KAZN: variants seen among roughly 807,000 people sequenced by gnomAD.
The protein encoded by KAZN is kazrin, periplakin interacting protein.
Under a neutral mutation model 87.4 loss-of-function variants are expected in KAZN, and 40 were observed. The observed-to-expected ratio is 0.46, with a 90% CI of 0.36 to 0.60. The LOEUF is 0.60. Ranked by LOEUF, KAZN falls within the 20% of genes least tolerant of loss-of-function variation. The pLI is 0.00. For synonymous variants in KAZN, 466 were observed against 458.3 expected (o/e 1.02, Z -0.22); for missense variants, 898 against 1,073.9 (o/e 0.84, Z 2.29).
chr1:14,171,487 TAATG>T (rs1196959559), intron 1 of KAZN, among the ~76,000 whole-genome samples: 3 of 148,894 alleles, frequency 2.0e-5, no homozygotes, highest in African/African-American at 7.4e-5. Flanking sequence ...TTTATTATAA[TAATG>T]GGGGGAAAAT....
Position 15,068,892 on chromosome 1 carries a change from C to T in KAZN, c.1222+3139C>T, listed in dbSNP as rs139762210. Among the ~76,000 whole-genome samples the T allele has an allele frequency of 3.9e-3, 595 of 152,150 alleles. 8 individuals are homozygous for T. Among genetic ancestry groups the T allele is most frequent in the African/African-American group, 0.013 (533 of 41,512 alleles). ...AGCATAAAGCTATGTAATACAGACA[C>T]GATGCCGAGGTGAAAATGAGCCCCC... is the stretch of plus-strand genomic sequence containing the variant. On this transcript the variant is annotated intron_variant, in intron 8 of 14. Coordinates refer to ENST00000376030, the MANE Select transcript of KAZN (RefSeq NM_201628.3).
At chr1:15,029,165 A>G (rs1435482018) in intron 2 of KAZN, among the ~76,000 whole-genome samples, 3 of 152,180 alleles carry the variant, frequency 2.0e-5, no homozygotes, top group Non-Finnish European at 4.4e-5. Flanking sequence ...AGGTGGACAC[A>G]TTCCCCACCA....
At chr1:14,683,688 C>G (rs950164260) in intron 1 of KAZN, among the ~76,000 whole-genome samples, 2 of 152,216 alleles carry the variant, frequency 1.3e-5, no homozygotes, top group East Asian at 3.9e-4. Flanking sequence ...CCCAGCCCCC[C>G]TATCTGGTAC....
chr1:13,961,824 C>A (rs1240052719), intron 1 of KAZN, among the ~76,000 whole-genome samples: 1 of 152,160 alleles, frequency 6.6e-6, no homozygotes, highest in African/African-American at 2.4e-5. Flanking sequence ...CTGTCCCCAG[C>A]ACACTTGGAA....
intron 2 of KAZN, among the ~76,000 whole-genome samples, chr1:14,237,038 T>G (rs1648491375): frequency 6.6e-6 from 1 of 152,230 alleles, no homozygotes; most frequent in Non-Finnish European, 1.5e-5. Context: ...TATGCCTGCA[T>G]TCTATATACC....
chr1:14,674,994 C>T (rs1412075092), intron 1 of KAZN, among the ~76,000 whole-genome samples: 1 of 152,024 alleles, frequency 6.6e-6, no homozygotes, highest in Non-Finnish European at 1.5e-5. Context: ...TACTGTGTTG[C>T]CCAGGTTGGT....
At chr1:14,212,682 AG>A (rs1646878156) in intron 2 of KAZN, among the ~76,000 whole-genome samples, 1 of 152,074 alleles carries the variant, frequency 6.6e-6, no homozygotes. Flanking sequence ...TCCAGTTGAC[AG>A]CCACCAGCAC....
At chr1:14,693,910 C>A (rs1427481844) in intron 1 of KAZN, among the ~76,000 whole-genome samples, 1 of 152,172 alleles carries the variant, frequency 6.6e-6, no homozygotes, top group Non-Finnish European at 1.5e-5. Flanking sequence ...GAGCCTGCCC[C>A]ACACTGCGAC....
At chr1:14,962,626 C>T (rs545367212) in intron 2 of KAZN, among the ~76,000 whole-genome samples, 3 of 152,312 alleles carry the variant, frequency 2.0e-5, no homozygotes, top group East Asian at 1.9e-4. Flanking sequence ...AAGCTGTTGT[C>T]GTTTGGTCTT....
intron 2 of KAZN, among the ~76,000 whole-genome samples, chr1:14,324,583 C>T (rs188425935): frequency 2.6e-5 from 4 of 152,232 alleles, no homozygotes; most frequent in African/African-American, 7.2e-5. Context: ...AATCACATTT[C>T]TTCAATCAAA....
At chr1:15,076,086 A>T (rs1199346130) in intron 8 of KAZN, among the ~76,000 whole-genome samples, 1 of 152,164 alleles carries the variant, frequency 6.6e-6, no homozygotes, top group African/African-American at 2.4e-5. Context: ...TGGCCAGGGC[A>T]TGTGGACCAG....
chr1:15,087,596 T>C (rs932312131), intron 8 of KAZN, among the ~76,000 whole-genome samples: 1 of 152,144 alleles, frequency 6.6e-6, no homozygotes, highest in Non-Finnish European at 1.5e-5. Flanking sequence ...GGTTTCACCA[T>C]GTCGGCCAGG....
chr1:14,979,478 G>T (rs1292286988), intron 2 of KAZN, among the ~76,000 whole-genome samples: 1 of 152,058 alleles, frequency 6.6e-6, no homozygotes, highest in Non-Finnish European at 1.5e-5. Context: ...TCAATTGATC[G>T]TGAGGTATTC....
At chr1:14,084,511 T>A (rs544995276) in intron 1 of KAZN, among the ~76,000 whole-genome samples, 2 of 152,208 alleles carry the variant, frequency 1.3e-5, no homozygotes, top group South Asian at 4.2e-4. Flanking sequence ...ATTGTACACA[T>A]CATTAAAAAT....
intron 1 of KAZN, among the ~76,000 whole-genome samples, chr1:14,035,475 T>C (rs1641513529): frequency 1.3e-5 from 2 of 151,618 alleles, no homozygotes; most frequent in Admixed American, 6.6e-5. Context: ...TTTTTTTTTT[T>C]CTGAGACAGG....
chr1:14,566,739 C>G (rs1427137521), intron 2 of KAZN, among the ~76,000 whole-genome samples: 1 of 152,228 alleles, frequency 6.6e-6, no homozygotes, highest in African/African-American at 2.4e-5. Context: ...TTATGTTACA[C>G]CAATGCCTTT....
chr1:14,258,989 G>T (rs1650792543), intron 2 of KAZN, among the ~76,000 whole-genome samples: 1 of 152,178 alleles, frequency 6.6e-6, no homozygotes, highest in African/African-American at 2.4e-5. Context: ...AAGAGGAGAG[G>T]TAATCACGGG....
At chr1:14,452,912 T>C (rs1034979786) in intron 2 of KAZN, among the ~76,000 whole-genome samples, 3 of 152,200 alleles carry the variant, frequency 2.0e-5, no homozygotes, top group Non-Finnish European at 4.4e-5. Flanking sequence ...CAGGAATTAA[T>C]GTGTTCCAAT....
chr1:14,916,607 G>T (rs956381346), intron 1 of KAZN, among the ~76,000 whole-genome samples: 3 of 152,128 alleles, frequency 2.0e-5, no homozygotes, highest in Non-Finnish European at 4.4e-5. Flanking sequence ...TTATTATTTT[G>T]TTACAATTAA....
Sources: gnomAD v4.1 joint callset for allele counts (sites outside exome capture counted in the v4.1 genomes callset) on GRCh38, gnomAD v4.1.1 for gene constraint, MANE v1.5 for transcripts, NCBI Gene and HGNC (gene_info 2026-07-23, HGNC 2026-07-21) for gene names.